DNAH11: variants seen among roughly 807,000 people sequenced by gnomAD.
The protein encoded by DNAH11 is axonemal beta dynein heavy chain 11.
Under a neutral mutation model 526.0 loss-of-function variants are expected in DNAH11, and 442 were observed. The ratio of observed to expected loss-of-function variants is 0.84; its 90% confidence interval spans 0.78 to 0.91. The LOEUF (loss-of-function observed/expected upper bound fraction) is 0.91. DNAH11 is among the 40% of genes least tolerant of loss of function. The pLI is 0.00. For synonymous variants in DNAH11, 2,461 were observed against 1,935.9 expected (o/e 1.27, Z -7.12); for missense variants, 6,989 against 5,448.7 (o/e 1.28, Z -8.90).
chr7:21,866,513 T>C lies in DNAH11; in HGVS notation c.11540T>C (p.Val3847Ala). ...MEEFRGIDRD[V>A]EGSAKQWRKW... Reference sequence around the variant, plus strand: ...GAATTTCGAGGCATAGACCGAGATGTGGAAGGATCTGCCAAGCAGTGGAGG... The same window carrying C: ...GAATTTCGAGGCATAGACCGAGATGCGGAAGGATCTGCCAAGCAGTGGAGG... The change falls in exon 71 of 82, where the codon GTG becomes GCG. Residue 3847 changes from valine to alanine, a missense_variant. Coordinates refer to ENST00000409508, the MANE Select transcript of DNAH11 (RefSeq NM_001277115.2). The C allele has an allele frequency of 6.2e-7, 1 of 1,613,344 alleles. No individual in the cohort carries two copies. The highest frequency in any genetic ancestry group is 8.5e-7 in the Non-Finnish European group (1 of 1,179,688).
At chr7:21,780,408 G>A (rs2158128) in intron 57 of DNAH11, among the ~76,000 whole-genome samples, 112,797 of 152,032 alleles carry the variant, frequency 0.74, 42,091 homozygotes, top group East Asian at 0.84. Context: ...AAGACAAAGC[G>A]TGTTATTCCA....
In DNAH11 at chr7:21,868,010, G is replaced by A. The variant is rs1245226631; in HGVS notation, c.11839+3G>A. On this transcript the variant is annotated splice_donor_region_variant and intron_variant, in intron 72 of 81. Coordinates refer to ENST00000409508, the MANE Select transcript of DNAH11 (RefSeq NM_001277115.2). ...CCTTAAAGACCTGGAGATTCTTGGT[G>A]AGTGGCTGGGAGGCTCGCTGGCCCG... is the stretch of plus-strand genomic sequence containing the variant. 6.6e-7 allele frequency: 1 copy of A among 1,516,728 alleles called. No homozygotes were observed. Among genetic ancestry groups the A allele is most frequent in the Non-Finnish European group, 8.9e-7 (1 of 1,127,388 alleles). 94.0% of individuals were successfully genotyped at this position (1,516,728 alleles called of 1,614,324 possible). A position where few individuals can be genotyped will look rare whatever the true frequency, so the allele number is the denominator to read the frequency against.
chr7:21,831,604 CT>C (rs1223680897), intron 65 of DNAH11, among the ~76,000 whole-genome samples: 2 of 152,292 alleles, frequency 1.3e-5, no homozygotes, highest in East Asian at 1.9e-4. Flanking sequence ...TCCTCCCCCC[CT>C]CTATTAACCT....
chr7:21,838,831 G>A (rs973679686), intron 65 of DNAH11, among the ~76,000 whole-genome samples: 4 of 151,904 alleles, frequency 2.6e-5, no homozygotes, highest in East Asian at 3.9e-4. Flanking sequence ...CCAAGGCTCA[G>A]GTGATCCTCC....
intron 55 of DNAH11, among the ~76,000 whole-genome samples, chr7:21,770,809 C>T (rs1787406189): frequency 6.6e-6 from 1 of 152,068 alleles, no homozygotes; most frequent in African/African-American, 2.4e-5. Context: ...AAATCTAGCC[C>T]AGGTCCTAGG....
At chr7:21,828,412 A>G (rs1790399756) in intron 65 of DNAH11, among the ~76,000 whole-genome samples, 1 of 152,238 alleles carries the variant, frequency 6.6e-6, no homozygotes, top group African/African-American at 2.4e-5. Context: ...TTTAATTGCC[A>G]CAAATCTGCA....
intron 54 of DNAH11, among the ~76,000 whole-genome samples, chr7:21,753,171 A>T (rs942546304): frequency 6.6e-6 from 1 of 152,118 alleles, no homozygotes; most frequent in African/African-American, 2.4e-5. Flanking sequence ...TTTCATCGTG[A>T]TGCCTCTTGC....
intron 70 of DNAH11, among the ~76,000 whole-genome samples, chr7:21,865,245 C>T (rs1408942105): frequency 1.3e-5 from 2 of 152,130 alleles, no homozygotes; most frequent in Admixed American, 6.5e-5. Flanking sequence ...CTAAGCTTTG[C>T]CCTACTCTTT....
intron 65 of DNAH11, among the ~76,000 whole-genome samples, chr7:21,829,899 A>G (rs970185661): frequency 6.6e-6 from 1 of 152,232 alleles, no homozygotes; most frequent in Non-Finnish European, 1.5e-5. Context: ...GTTCTGTCAC[A>G]GAAGTACTTT....
chr7:21,864,794 G>C, intron 70 of DNAH11, 137 bp downstream of exon 70: 1 of 814,436 alleles, frequency 1.2e-6, no homozygotes, highest in Admixed American at 3.4e-5. Context: ...ACTGTATAAT[G>C]TGATGTTATT....
rs1562546616 is a variant in DNAH11, at chr7:21,789,266, GCCAAGCATTAGC to G, written c.9958_9969del (p.Leu3320_Ala3323del). ...GTCTACTGTGATGTGGAGCCAAAAC[GCCAAGCATTAGC>G]CCAAGCAAACTTAGAACTGGCTGCA... On this transcript the variant is annotated inframe_deletion, in exon 61 of 82. Transcript: ENST00000409508. The G allele has an allele frequency of 6.3e-7, 1 of 1,574,932 alleles. No individual in the cohort carries two copies. The highest frequency in any genetic ancestry group is 1.8e-5 in the Admixed American group (1 of 54,256).
chr7:21,601,240 T>C, intron 17 of DNAH11, 61 bp downstream of exon 17: 1 of 1,532,000 alleles, frequency 6.5e-7, no homozygotes, highest in Non-Finnish European at 8.8e-7. Flanking sequence ...AAAACTGAGA[T>C]GTTACTTTTA....
chr7:21,690,998 A>G, intron 35 of DNAH11, 117 bp downstream of exon 35: 1 of 721,528 alleles, frequency 1.4e-6, no homozygotes. Flanking sequence ...ATCCTATATG[A>G]TTTCCTTGGG....
At chr7:21,897,006 T>C (rs1048569589) in intron 79 of DNAH11, among the ~76,000 whole-genome samples, 19 of 152,034 alleles carry the variant, frequency 1.2e-4, no homozygotes, top group Non-Finnish European at 4.4e-5. Context: ...GCCCAAGAGG[T>C]CAAGGGTGCA....
chr7:21,795,362 T>C (rs1447733351), intron 61 of DNAH11, among the ~76,000 whole-genome samples: 4 of 152,170 alleles, frequency 2.6e-5, no homozygotes, highest in Non-Finnish European at 4.4e-5. Flanking sequence ...CTCCCTGTTC[T>C]CCTAGATCAA....
chr7:21,586,456 G>A (rs1376984879), intron 9 of DNAH11, among the ~76,000 whole-genome samples: 1 of 152,212 alleles, frequency 6.6e-6, no homozygotes, highest in East Asian at 1.9e-4. Flanking sequence ...AGTTTCTACT[G>A]TAGTTATAAT....
chr7:21,752,676 T>C (rs1396149853), intron 54 of DNAH11, among the ~76,000 whole-genome samples: 1 of 152,150 alleles, frequency 6.6e-6, no homozygotes, highest in Non-Finnish European at 1.5e-5. Flanking sequence ...TATTTTACTC[T>C]TCAAGATAAT....
chr7:21,688,288 T>TG (rs1783468292), intron 34 of DNAH11, among the ~76,000 whole-genome samples: 1 of 152,194 alleles, frequency 6.6e-6, no homozygotes, highest in African/African-American at 2.4e-5. Context: ...AGTACCTGCC[T>TG]TATAGACTAC....
intron 42 of DNAH11, among the ~76,000 whole-genome samples, chr7:21,717,213 CA>C (rs1784700646): frequency 6.6e-6 from 1 of 151,976 alleles, no homozygotes; most frequent in Non-Finnish European, 1.5e-5. Context: ...CACACACACA[CA>C]CACACACCCC....
Sources: allele counts gnomAD v4.1 joint callset (sites outside exome capture counted in the v4.1 genomes callset), GRCh38; gene constraint gnomAD v4.1.1; transcripts MANE v1.5; gene names NCBI Gene and HGNC (gene_info 2026-07-23, HGNC 2026-07-21).